ANO2: variants seen among roughly 807,000 people sequenced by gnomAD.
ANO2 encodes anoctamin 2.
In ANO2, 101 loss-of-function variants were observed where a neutral mutation model predicts 124.2. That is an observed-to-expected ratio of 0.81 (90% CI 0.69 to 0.96). The LOEUF is 0.96. Among genes scored for constraint, ANO2 ranks in the 40% least tolerant of loss-of-function variants. The probability of loss-of-function intolerance (pLI) is 0.00; values close to 1 mark genes in which losing one functional copy is unlikely to be tolerated. For synonymous variants in ANO2, 486 were observed against 482.5 expected (o/e 1.01, Z -0.09); for missense variants, 1,293 against 1,274.5 (o/e 1.01, Z -0.22).
chr12:5,915,745 T>C (rs1941342050), intron 3 of ANO2, among the ~76,000 whole-genome samples: 1 of 152,142 alleles, frequency 6.6e-6, no homozygotes, highest in African/African-American at 2.4e-5. Context: ...CATCTTAACA[T>C]GGTGAAAAGT....
At chr12:5,763,770 T>G (rs1016754791) in intron 10 of ANO2, among the ~76,000 whole-genome samples, 1 of 152,034 alleles carries the variant, frequency 6.6e-6, no homozygotes. Flanking sequence ...AAGTTTGTAC[T>G]TTAGGGAAGA....
intron 3 of ANO2, among the ~76,000 whole-genome samples, chr12:5,868,273 G>C (rs1955483568): frequency 6.6e-6 from 1 of 152,076 alleles, no homozygotes; most frequent in African/African-American, 2.4e-5. Context: ...TGGAGGCCAG[G>C]GGATGAAGGT....
intron 10 of ANO2, among the ~76,000 whole-genome samples, chr12:5,795,872 A>G (rs1403481535): frequency 6.6e-6 from 1 of 152,156 alleles, no homozygotes; most frequent in Non-Finnish European, 1.5e-5. Flanking sequence ...GTTTTAGAGC[A>G]TTGAACCAGA....
intron 1 of ANO2, among the ~76,000 whole-genome samples, chr12:5,933,603 A>G (rs1179266185): frequency 6.6e-6 from 1 of 152,168 alleles, no homozygotes; most frequent in African/African-American, 2.4e-5. Context: ...ACAAAATTTT[A>G]TTTCACTGGT....
chr12:5,867,266 T>G (rs537409372), intron 3 of ANO2, among the ~76,000 whole-genome samples: 4 of 152,206 alleles, frequency 2.6e-5, no homozygotes, highest in African/African-American at 4.8e-5. Context: ...GGCTACCTGG[T>G]TGTGTTCCAG....
chr12:5,943,220 C>T (rs1468286367), intron 1 of ANO2, among the ~76,000 whole-genome samples: 8 of 151,982 alleles, frequency 5.3e-5, no homozygotes, highest in South Asian at 2.1e-4. Flanking sequence ...AACTTAAATG[C>T]CCATTAACTA....
At chr12:5,607,436 T>A (rs1209259130) in intron 19 of ANO2, among the ~76,000 whole-genome samples, 1 of 151,204 alleles carries the variant, frequency 6.6e-6, no homozygotes, top group Non-Finnish European at 1.5e-5. Flanking sequence ...TTTTTTTTTT[T>A]AAGTTAGATG....
chr12:5,873,699 G>C (rs1937892498), intron 3 of ANO2, among the ~76,000 whole-genome samples: 1 of 152,246 alleles, frequency 6.6e-6, no homozygotes, highest in East Asian at 1.9e-4. Context: ...AAGATGCATG[G>C]CACCCCGACT....
In ANO2 at chr12:5,925,236, A is replaced by T. The variant is rs1249008972; in HGVS notation, c.23-2432T>A. ...TTGCACCTGTGGCTCAGAGTAGCTC[A>T]GATTCAAGGGCAATGCAAAGCTTTG... On this transcript the variant is annotated intron_variant, in intron 1 of 24. Coordinates refer to ENST00000682330, the MANE Select transcript of ANO2 (RefSeq NM_001364791.2). This position sits in a 1 kb window ranked among gnomAD's most constrained non-coding sequence, Gnocchi z 4.6. 6.6e-6 allele frequency among the ~76,000 whole-genome samples: 1 copy of T among 152,220 alleles called. No homozygotes were observed. Among genetic ancestry groups the T allele is most frequent in the East Asian group, 1.9e-4 (1 of 5,198 alleles).
chr12:5,865,192 A>G (rs530186734), intron 3 of ANO2, among the ~76,000 whole-genome samples: 11 of 152,326 alleles, frequency 7.2e-5, no homozygotes, highest in Middle Eastern at 3.4e-3. Context: ...TCATCCTAAC[A>G]AAGTTCAATT....
At chr12:5,798,862 T>C (rs1346579635) in intron 10 of ANO2, among the ~76,000 whole-genome samples, 1 of 152,232 alleles carries the variant, frequency 6.6e-6, no homozygotes. Flanking sequence ...ATTGAGTTTC[T>C]AGAGCCCTGA....
intron 20 of ANO2, among the ~76,000 whole-genome samples, chr12:5,581,381 T>C (rs1942750656): frequency 6.6e-6 from 1 of 152,112 alleles, no homozygotes; most frequent in Non-Finnish European, 1.5e-5. Flanking sequence ...TTCTGAGGGA[T>C]TGCAAATGTA....
intron 3 of ANO2, among the ~76,000 whole-genome samples, chr12:5,893,544 G>A (rs1396636210): frequency 6.6e-6 from 1 of 150,394 alleles, no homozygotes; most frequent in African/African-American, 2.5e-5. Flanking sequence ...AGAACGTGGA[G>A]GTTTGTTACA....
intron 16 of ANO2, among the ~76,000 whole-genome samples, chr12:5,620,517 T>C (rs535926224): frequency 8.5e-5 from 13 of 152,202 alleles, no homozygotes; most frequent in Non-Finnish European, 1.6e-4. Context: ...AGGAGTTGAA[T>C]TGGAATTCTA....
intron 10 of ANO2, among the ~76,000 whole-genome samples, chr12:5,789,607 G>A (rs2137146991): frequency 6.6e-6 from 1 of 152,328 alleles, no homozygotes; most frequent in East Asian, 1.9e-4. Flanking sequence ...CCACCCAACT[G>A]TCAACATCTT....
At chr12:5,573,450 C>T (rs546535950) in intron 23 of ANO2, among the ~76,000 whole-genome samples, 5 of 152,318 alleles carry the variant, frequency 3.3e-5, no homozygotes, top group South Asian at 4.1e-4. Context: ...TGGAGACCTG[C>T]GCTCTTAGAG....
chr12:5,848,348 C>A (rs945247224), intron 4 of ANO2, among the ~76,000 whole-genome samples: 1 of 150,224 alleles, frequency 6.7e-6, no homozygotes, highest in Non-Finnish European at 1.5e-5. Flanking sequence ...TTCCCTTGCA[C>A]TTCCCTACTT....
At chr12:5,860,740 T>C in intron 3 of ANO2, among the ~76,000 whole-genome samples, 1 of 152,192 alleles carries the variant, frequency 6.6e-6, no homozygotes, top group South Asian at 2.1e-4. Context: ...CTCTCCATCC[T>C]GTTGGTAGCC....
chr12:5,901,754 T>A (rs1445842177), intron 3 of ANO2, among the ~76,000 whole-genome samples: 1 of 152,190 alleles, frequency 6.6e-6, no homozygotes, highest in African/African-American at 2.4e-5. Context: ...GAGACAAAGC[T>A]GGGAAAGGAA....
Sources: allele counts gnomAD v4.1 joint callset (sites outside exome capture counted in the v4.1 genomes callset), GRCh38; gene constraint gnomAD v4.1.1; non-coding constraint Gnocchi (gnomAD v3.1); transcripts MANE v1.5; gene names NCBI Gene and HGNC (gene_info 2026-07-23, HGNC 2026-07-21).